Variants in PTPRT observed in about 807,000 individuals in gnomAD.
PTPRT encodes protein tyrosine phosphatase receptor type T.
Under a neutral mutation model 176.8 loss-of-function variants are expected in PTPRT, and 56 were observed. The observed-to-expected ratio is 0.32, with a 90% confidence interval of 0.26 to 0.40. The LOEUF is 0.40. Among genes scored for constraint, PTPRT ranks in the 10% least tolerant of loss-of-function variants. The pLI, the probability that PTPRT is intolerant of heterozygous loss-of-function variation, is 1.00. For missense variants in PTPRT, 1,540 were observed against 1,908.2 expected, an observed-to-expected ratio of 0.81 and a Z score of 3.60; for synonymous variants, 783 against 739.0, an observed-to-expected ratio of 1.06 and a Z score of -0.96.
At chr20:42,524,001 A>G (rs968661724) in intron 7 of PTPRT, among the ~76,000 whole-genome samples, 1 of 152,118 alleles carries the variant, frequency 6.6e-6, no homozygotes, top group Non-Finnish European at 1.5e-5. Flanking sequence ...TATCTCTAAA[A>G]AAAAAATTGC....
chr20:42,543,585 A>T (rs2072621072), intron 7 of PTPRT, among the ~76,000 whole-genome samples: 1 of 151,876 alleles, frequency 6.6e-6, no homozygotes, highest in Non-Finnish European at 1.5e-5. Context: ...GTTATTATTA[A>T]TATCTTGACA....
rs540740877 is a variant in PTPRT at position 42,583,495 on chromosome 20, G to T, written c.1153+94371C>A. The stretch of plus-strand genomic sequence containing the variant: ...GCCCATGACATTGGGCCTTGTCATG[G>T]CTGAACACTGACCTTCCACTGTCAT... On this transcript the variant is annotated intron_variant, in intron 7 of 30. Transcript: ENST00000373187. Among the ~76,000 whole-genome samples the T allele has an allele frequency of 9.9e-5, 15 of 152,226 alleles. No homozygotes were observed. The South Asian group carries it at 3.1e-3, about 32-fold the overall frequency.
chr20:42,211,770 C>T (rs1267490598), intron 15 of PTPRT, among the ~76,000 whole-genome samples: 20 of 148,322 alleles, frequency 1.3e-4, no homozygotes, highest in African/African-American at 5.0e-4. Context: ...CTGGAAATAC[C>T]ATTTGACCCA....
In PTPRT at chr20:42,161,522, G is replaced by T; in HGVS notation, c.2512C>A (p.Leu838Ile). The change falls in exon 17 of 31, where the codon CTT (leucine) becomes ATT (isoleucine). Residue 838 changes from leucine to isoleucine, a missense_variant. By Grantham distance (5) the Leu-to-Ile change is conservative. Around this residue, in one of 11 missense-constraint regions of PTPRT, gnomAD observed 255 missense variants for 250.1 expected, o/e 1.02. Transcript: ENST00000373187. ...TGGATCGTGAGGGTGGGCTGGGAAA[G>T]CTCCCCGCGGCTGCCATCTGCTTCG... The part of the protein sequence containing the change: ...NGFTDGSRGE[L>I]SQPTLTIQTH... 1 of 1,609,890 alleles carries T rather than the reference G, an allele frequency of 6.2e-7. No individual in the cohort carries two copies. The highest frequency in any genetic ancestry group is 2.2e-5 in the East Asian group (1 of 44,826).
chr20:43,073,245 A>G (rs1045663775), intron 1 of PTPRT, among the ~76,000 whole-genome samples: 1 of 152,192 alleles, frequency 6.6e-6, no homozygotes, highest in African/African-American at 2.4e-5. Context: ...TAAATATACA[A>G]TGGATGTATT....
intron 2 of PTPRT, among the ~76,000 whole-genome samples, chr20:42,853,933 T>G (rs2078519027): frequency 6.6e-6 from 1 of 152,130 alleles, no homozygotes; most frequent in Non-Finnish European, 1.5e-5. Flanking sequence ...GCTGAGCAAA[T>G]CTGGGCAGGA....
intron 12 of PTPRT, among the ~76,000 whole-genome samples, chr20:42,308,697 C>A (rs564787567): frequency 2.0e-5 from 3 of 152,168 alleles, no homozygotes; most frequent in Non-Finnish European, 4.4e-5. Flanking sequence ...TGTTCAAGTT[C>A]ACATAGCTGA....
chr20:42,300,911 G>A (rs1005231250), intron 12 of PTPRT, among the ~76,000 whole-genome samples: 1 of 130,136 alleles, frequency 7.7e-6, no homozygotes, highest in Non-Finnish European at 1.6e-5. Flanking sequence ...TGAACAATGA[G>A]AACACATGGA....
intron 7 of PTPRT, among the ~76,000 whole-genome samples, chr20:42,663,803 G>C (rs1381843020): frequency 2.0e-5 from 3 of 152,124 alleles, no homozygotes; most frequent in African/African-American, 7.2e-5. Context: ...CACAAAAACA[G>C]TTTGTAACAA....
chr20:42,705,438 G>A (rs1006590252), intron 6 of PTPRT, among the ~76,000 whole-genome samples: 9 of 151,802 alleles, frequency 5.9e-5, no homozygotes, highest in South Asian at 4.2e-4. Context: ...GGGGAGGTGC[G>A]GGGGTGTATT....
chr20:42,611,815 A>G (rs1569016828), intron 7 of PTPRT, among the ~76,000 whole-genome samples: 1 of 151,902 alleles, frequency 6.6e-6, no homozygotes, highest in Non-Finnish European at 1.5e-5. Context: ...CAACCCCTCC[A>G]TCAGTGCCCA....
At chr20:43,138,795 C>A (rs892427540) in intron 1 of PTPRT, among the ~76,000 whole-genome samples, 4 of 152,176 alleles carry the variant, frequency 2.6e-5, no homozygotes, top group East Asian at 1.9e-4. Flanking sequence ...GAAGGCCACA[C>A]CTTGCCACTG....
intron 7 of PTPRT, among the ~76,000 whole-genome samples, chr20:42,607,931 G>A (rs989662105): frequency 1.3e-5 from 2 of 152,170 alleles, no homozygotes; most frequent in African/African-American, 4.8e-5. Flanking sequence ...CAGCTCATAA[G>A]GGCATCCTCA....
chr20:42,998,138 C>T lies in PTPRT; in HGVS notation c.89-112206G>A, dbSNP rs1984332417. 2.0e-5 allele frequency among the ~76,000 whole-genome samples: 3 copies of T among 152,292 alleles called. No individual in the cohort carries two copies. In the South Asian group the frequency reaches 6.2e-4, roughly 32 times the overall value. On this transcript the variant is annotated intron_variant, in intron 1 of 30. Transcript: ENST00000373187. ...CCCCTCTATGGAAAAGTAAAATATG[C>T]AAACATTAACCAGAGGATAGATGGG... is the stretch of plus-strand genomic sequence containing the variant.
intron 7 of PTPRT, among the ~76,000 whole-genome samples, chr20:42,670,831 C>T (rs140797159): frequency 9.9e-5 from 15 of 152,130 alleles, no homozygotes; most frequent in South Asian, 6.2e-4. Flanking sequence ...CTGCGTCAAG[C>T]GAAGTTTGGG....
chr20:42,686,614 G>A (rs1464280360), intron 6 of PTPRT, among the ~76,000 whole-genome samples: 1 of 151,550 alleles, frequency 6.6e-6, no homozygotes, highest in Non-Finnish European at 1.5e-5. Context: ...CTCCTGAGTA[G>A]CTAGAACTAC....
the PTPRT span, among the ~76,000 whole-genome samples, chr20:42,042,279 G>A: frequency 6.6e-6 from 1 of 152,094 alleles, no homozygotes; most frequent in African/African-American, 2.4e-5. Flanking sequence ...AAGCATTAGT[G>A]AGCAATAGAG....
At chr20:43,178,462 A>T (rs1379751484) in intron 1 of PTPRT, among the ~76,000 whole-genome samples, 2 of 151,892 alleles carry the variant, frequency 1.3e-5, no homozygotes, top group Non-Finnish European at 2.9e-5. Context: ...CTTTCTATTT[A>T]AAAAGGTGAA....
intron 7 of PTPRT, among the ~76,000 whole-genome samples, chr20:42,482,421 G>A (rs891546128): frequency 6.6e-6 from 1 of 152,116 alleles, no homozygotes; most frequent in Admixed American, 6.5e-5. Flanking sequence ...GTAACAGTAT[G>A]GTAAGAGTAT....
Sources: gnomAD v4.1 joint callset for allele counts (sites outside exome capture counted in the v4.1 genomes callset) on GRCh38, gnomAD v4.1.1 for gene constraint, gnomAD v4.1.1 regional missense constraint, MANE v1.5 for transcripts, NCBI Gene and HGNC (gene_info 2026-07-23, HGNC 2026-07-21) for gene names.